TRIM2: variants seen among roughly 807,000 people sequenced by gnomAD.
TRIM2 encodes the protein tripartite motif containing 2, also known as tripartite motif-containing protein 2.
TRIM2 carries 20 observed loss-of-function variants against 75.2 expected under a neutral mutation model. The observed-to-expected ratio is 0.27, with a 90% CI of 0.19 to 0.39. The LOEUF (loss-of-function observed/expected upper bound fraction) is 0.39, where lower values mean the gene tolerates loss of function less well. Ranked by LOEUF, TRIM2 falls within the 10% of genes least tolerant of loss-of-function variation. The pLI is 1.00. For missense variants in TRIM2, 660 were observed against 990.8 expected (o/e 0.67, Z 4.48); for synonymous variants, 373 against 388.3 (o/e 0.96, Z 0.46).
Position 153,270,409 on chromosome 4 carries a change from C to G in TRIM2, c.105C>G (p.Ile35Met). ...WSRMASEGTNIPSPVVRQIDK... is the reference protein window; with the variant it reads ...WSRMASEGTNMPSPVVRQIDK... ...GGATGGCCAGTGAAGGCACCAACATCCCAAGTCCTGTGGTGCGCCAGATTG... is the reference window on the plus strand; with the variant it reads ...GGATGGCCAGTGAAGGCACCAACATGCCAAGTCCTGTGGTGCGCCAGATTG... Residue 35 changes from isoleucine to methionine, a missense_variant, in exon 2 of 12, where the codon ATC (isoleucine) becomes ATG (methionine). Physicochemically the swap from Ile to Met is conservative, Grantham distance 10. Coordinates refer to ENST00000338700, the MANE Select transcript of TRIM2 (RefSeq NM_015271.5). 6.2e-7 allele frequency: 1 copy of G among 1,614,052 alleles called. No individual in the cohort carries two copies. The highest frequency in any genetic ancestry group is 8.5e-7 in the Non-Finnish European group (1 of 1,179,984).
At chr4:153,183,437 G>A (rs972098134) in intron 1 of TRIM2, among the ~76,000 whole-genome samples, 2 of 152,206 alleles carry the variant, frequency 1.3e-5, no homozygotes, top group Non-Finnish European at 2.9e-5. Context: ...TTGGAGCAGC[G>A]ATGTGGAGCA....
chr4:153,159,559 G>A (rs1385445721), intron 1 of TRIM2, among the ~76,000 whole-genome samples: 1 of 152,048 alleles, frequency 6.6e-6, no homozygotes, highest in Non-Finnish European at 1.5e-5. Flanking sequence ...TCCAGCTTCA[G>A]CCTCCCAAAG....
intron 1 of TRIM2, among the ~76,000 whole-genome samples, chr4:153,205,616 G>A (rs1735198340): frequency 6.6e-6 from 1 of 152,148 alleles, no homozygotes. Flanking sequence ...TTATCGACAG[G>A]AGCCTGATAA....
At chr4:153,202,830 G>C (rs1734540607), upstream of TRIM2, among the ~76,000 whole-genome samples, 1 of 151,966 alleles carries the variant, frequency 6.6e-6, no homozygotes, top group African/African-American at 2.4e-5. Context: ...TTTAAGGCCG[G>C]GCGCGGTGGC....
chr4:153,332,190 G>A (rs934543034), intron 11 of TRIM2, among the ~76,000 whole-genome samples: 1 of 152,032 alleles, frequency 6.6e-6, no homozygotes, highest in African/African-American at 2.4e-5. Flanking sequence ...AAAATAAAAG[G>A]TTTTGCTCTG....
At chr4:153,232,952 GTGGAGCTGTC>G (rs1225903464) in intron 1 of TRIM2, among the ~76,000 whole-genome samples, 2 of 152,140 alleles carry the variant, frequency 1.3e-5, no homozygotes, top group Non-Finnish European at 2.9e-5. Flanking sequence ...ACAGAGCCGG[GTGGAGCTGTC>G]CCCTGGGCCA....
intron 1 of TRIM2, among the ~76,000 whole-genome samples, chr4:153,247,401 C>T (rs1218363498): frequency 6.6e-6 from 1 of 152,134 alleles, no homozygotes; most frequent in African/African-American, 2.4e-5. Flanking sequence ...AGGCACCAGG[C>T]GCGGTCACTC....
chr4:153,232,684 A>T (rs1743965767), intron 1 of TRIM2, among the ~76,000 whole-genome samples: 1 of 152,184 alleles, frequency 6.6e-6, no homozygotes, highest in South Asian at 2.1e-4. Flanking sequence ...TAAAATCAAG[A>T]CACATTTCAA....
In TRIM2 at chr4:153,295,242, G is replaced by C; in HGVS notation, c.787-71G>C. ...CAGGTGTAGAGTCTCCTTCTCGCCG[G>C]TGGAGGGCACTGCCCCGGGCTAGGC... is the stretch of plus-strand genomic sequence containing the variant. On this transcript the variant is annotated intron_variant, in intron 5 of 11. Coordinates refer to ENST00000338700, the MANE Select transcript of TRIM2 (RefSeq NM_015271.5). The surrounding 1 kb of genome is among the most constrained non-coding windows in gnomAD (Gnocchi z 7.2). The C allele has an allele frequency of 1.4e-6, 2 of 1,455,808 alleles. No individual in the cohort carries two copies. Among genetic ancestry groups the C allele is most frequent in the South Asian group, 1.5e-5 (1 of 67,024 alleles). The allele number at this position is 1,455,808 out of a possible 1,614,324, so 90.2% of individuals were successfully genotyped here. A position where few individuals can be genotyped will look rare whatever the true frequency, so the allele number is the denominator to read the frequency against.
rs1185919053 is a variant in TRIM2, at chr4:153,260,700, C to CCACA, written c.31-9612_31-9609dup. The stretch of plus-strand genomic sequence containing the variant: ...CCCACCCACACACCCACCCCCCCCC[C>CCACA]CACACACACACACACACACACACAC... On this transcript the variant is annotated intron_variant, in intron 1 of 11. Transcript: ENST00000338700. Among the ~76,000 whole-genome samples the CCACA allele has an allele frequency of 9.5e-3, 633 of 66,880 alleles. 9 individuals carry two copies. Among genetic ancestry groups the CCACA allele is most frequent in the South Asian group, 0.021 (23 of 1,106 alleles). The allele number at this position is 66,880 out of a possible 152,430, so 43.9% of individuals were successfully genotyped here.
In TRIM2 at chr4:153,162,362, C is replaced by T. The variant is rs1335072011; in HGVS notation, c.-49+9092C>T. Reference sequence around the variant, plus strand: ...GTAGGATGGGGCAGCATGCTAGAGACCCAAGGAAAGCCAGAGTTCCAATTC... The same window carrying T: ...GTAGGATGGGGCAGCATGCTAGAGATCCAAGGAAAGCCAGAGTTCCAATTC... On this transcript the variant is annotated intron_variant, in intron 1 of 11. Transcript: ENST00000437508. Among the ~76,000 whole-genome samples the T allele has an allele frequency of 3.3e-5, 5 of 152,236 alleles. No homozygotes were observed. The East Asian group carries it at 9.6e-4, about 29-fold the overall frequency.
chr4:153,197,873 C>CA (rs1181837071), intron 1 of TRIM2, among the ~76,000 whole-genome samples: 3 of 151,918 alleles, frequency 2.0e-5, no homozygotes, highest in South Asian at 2.1e-4. Flanking sequence ...AACTCCGTCT[C>CA]AAAAAAAATT....
At chr4:153,303,118 C>G (rs1764253385) in intron 6 of TRIM2, among the ~76,000 whole-genome samples, 1 of 152,156 alleles carries the variant, frequency 6.6e-6, no homozygotes, top group African/African-American at 2.4e-5. Flanking sequence ...CTTGGCTTTT[C>G]AACATCCATA....
At chr4:153,209,786 A>G (rs984416120) in intron 1 of TRIM2, among the ~76,000 whole-genome samples, 1 of 152,212 alleles carries the variant, frequency 6.6e-6, no homozygotes, top group South Asian at 2.1e-4. Context: ...TCAAAGCCTC[A>G]CTCTAAACCT....
At chr4:153,231,084 C>T (rs891122213) in intron 1 of TRIM2, among the ~76,000 whole-genome samples, 136 of 152,252 alleles carry the variant, frequency 8.9e-4, no homozygotes, top group African/African-American at 3.2e-3. Flanking sequence ...AAAATACACG[C>T]TCAAGTATAC....
In TRIM2 at chr4:153,296,115, C is replaced by A. The variant is rs1653771903; in HGVS notation, c.1510+79C>A. On this transcript the variant is annotated intron_variant, in intron 6 of 11. Transcript: ENST00000338700. ...ACTGGGCACGTGTCATTGCAAATAG[C>A]AACACTGCAGCCCAGAACTCTACCT... The A allele has an allele frequency of 4.1e-6, 6 of 1,479,282 alleles. No individual in the cohort carries two copies. In the South Asian group the frequency reaches 8.8e-5, roughly 22 times the overall value. The allele number at this position is 1,479,282 out of a possible 1,614,324, so 91.6% of individuals were successfully genotyped here.
chr4:153,204,769 A>T (rs1251466473), intron 1 of TRIM2, among the ~76,000 whole-genome samples: 2 of 152,198 alleles, frequency 1.3e-5, no homozygotes, highest in African/African-American at 4.8e-5. Flanking sequence ...GAAGCAAAAA[A>T]TCGAGGGAGA....
At chr4:153,226,524 C>G (rs1374571427) in intron 1 of TRIM2, among the ~76,000 whole-genome samples, 1 of 152,122 alleles carries the variant, frequency 6.6e-6, no homozygotes, top group Non-Finnish European at 1.5e-5. Flanking sequence ...AGATGAATAC[C>G]CTTTTAAACT....
chr4:153,315,687 A>G, intron 7 of TRIM2, 99 bp downstream of exon 7: 1 of 1,440,430 alleles, frequency 6.9e-7, no homozygotes, highest in East Asian at 2.3e-5. Flanking sequence ...TGGTGTAAGG[A>G]AAAAAGCTTA....
Sources: gnomAD v4.1 joint callset for allele counts (sites outside exome capture counted in the v4.1 genomes callset) on GRCh38, gnomAD v4.1.1 for gene constraint, Gnocchi (gnomAD v3.1) non-coding constraint, MANE v1.5 for transcripts, NCBI Gene and HGNC (gene_info 2026-07-23, HGNC 2026-07-21) for gene names.